The following RELN variants were observed in gnomAD, a reference collection of about 807,000 sequenced individuals.
The protein encoded by RELN is reelin.
In RELN, 108 loss-of-function variants were observed where a neutral mutation model predicts 427.6. That is an observed-to-expected ratio of 0.25 (90% CI 0.22 to 0.30). The LOEUF (loss-of-function observed/expected upper bound fraction) is 0.30, where lower values mean the gene tolerates loss of function less well. Among genes scored for constraint, RELN ranks in the 10% least tolerant of loss-of-function variants. The probability of loss-of-function intolerance (pLI) is 1.00; values close to 1 mark genes in which losing one functional copy is unlikely to be tolerated. For missense variants in RELN, 3,715 were observed against 4,302.8 expected (o/e 0.86, Z 3.82); for synonymous variants, 1,524 against 1,513.4 (o/e 1.01, Z -0.16).
At chr7:103,679,243 T>C (rs1009753231) in intron 11 of RELN, among the ~76,000 whole-genome samples, 1 of 152,174 alleles carries the variant, frequency 6.6e-6, no homozygotes, top group Non-Finnish European at 1.5e-5. Context: ...CTAGGTCTTC[T>C]CATTATCCTT....
At chr7:103,676,583 A>G (rs1240275533) in intron 11 of RELN, among the ~76,000 whole-genome samples, 1 of 152,256 alleles carries the variant, frequency 6.6e-6, no homozygotes, top group East Asian at 1.9e-4. Flanking sequence ...ATACAGACAC[A>G]TGCACACGTA....
chr7:103,866,298 G>A (rs1286816185), intron 2 of RELN, among the ~76,000 whole-genome samples: 1 of 151,962 alleles, frequency 6.6e-6, no homozygotes, highest in Non-Finnish European at 1.5e-5. Flanking sequence ...AAAAACCCAG[G>A]TTAAAGTTGA....
At chr7:103,872,011 T>C (rs916122999) in intron 2 of RELN, among the ~76,000 whole-genome samples, 8 of 125,598 alleles carry the variant, frequency 6.4e-5, no homozygotes, top group East Asian at 2.4e-4. Flanking sequence ...CTACAGTATA[T>C]GAATATATAT....
chr7:103,575,664 T>C lies in RELN; in HGVS notation c.4187A>G (p.Lys1396Arg). 1 of 1,614,188 alleles carries C rather than the reference T, an allele frequency of 6.2e-7. No individual in the cohort carries two copies. Among genetic ancestry groups the C allele is most frequent in the Non-Finnish European group, 8.5e-7 (1 of 1,180,012 alleles). The change falls in exon 29 of 65, where the codon AAA becomes AGA. Residue 1396 changes from lysine (K) to arginine (R), a missense_variant. Physicochemically the swap from Lys to Arg is conservative, Grantham distance 26. This residue lies in a region of RELN where 2,208 missense variants were observed against 2,361.7 expected (regional missense o/e 0.93). Transcript: ENST00000428762. The part of the protein sequence containing the change: ...FRWIQESSSQ[K>R]NVPPFGLDGV... ...ATCTAAACCAAATGGAGGCACGTTT[T>C]TCTGTGAGCTGCTCTCCTGGATCCA... is the stretch of plus-strand genomic sequence containing the variant.
In RELN at chr7:103,471,804, A is replaced by C. The variant is rs1827870499; in HGVS notation, c.*1008T>G. The C allele has an allele frequency of 6.6e-6, 1 of 152,564 alleles. No individual in the cohort carries two copies. The highest frequency in any genetic ancestry group is 2.4e-5 in the African/African-American group (1 of 41,456). 9.5% of individuals were successfully genotyped at this position (152,564 alleles called of 1,614,324 possible). On this transcript the variant is annotated 3_prime_UTR_variant, in exon 65 of 65. Transcript: ENST00000428762. ...TGAACTTCAATGGCTTTTGGACATA[A>C]TTTTTATTTAAGCATGGGCTTTTAT... is the stretch of plus-strand genomic sequence containing the variant.
intron 1 of RELN, among the ~76,000 whole-genome samples, chr7:103,928,313 C>T (rs2116701065): frequency 6.6e-6 from 1 of 152,260 alleles, no homozygotes; most frequent in Non-Finnish European, 1.5e-5. Flanking sequence ...GAACTATTAG[C>T]CAACTAAATT....
intron 45 of RELN, among the ~76,000 whole-genome samples, chr7:103,537,543 C>G (rs1278737485): frequency 6.6e-6 from 1 of 152,202 alleles, no homozygotes; most frequent in Non-Finnish European, 1.5e-5. Flanking sequence ...CAGGAGGCTG[C>G]ACCAGCCTGT....
rs1834010032 is a variant in RELN at position 103,697,846 on chromosome 7, C to G, written c.1143+7G>C. ...AAAACAACCCAAAAACTAAAAAGAG[C>G]TCTAACCTTAACTGTAGCTCCTGGG... On this transcript the variant is annotated splice_region_variant and intron_variant, in intron 10 of 64. Coordinates refer to ENST00000428762, the MANE Select transcript of RELN (RefSeq NM_005045.4). The G allele has an allele frequency of 6.2e-7, 1 of 1,613,458 alleles. No individual in the cohort carries two copies. The highest frequency in any genetic ancestry group is 8.5e-7 in the Non-Finnish European group (1 of 1,179,656).
chr7:103,597,343 C>T (rs1831561579), intron 24 of RELN, among the ~76,000 whole-genome samples: 1 of 152,156 alleles, frequency 6.6e-6, no homozygotes. Context: ...TGGCTCATGC[C>T]TGTAATCACA....
intron 11 of RELN, among the ~76,000 whole-genome samples, chr7:103,665,893 ATCTTTATT>A (rs940191680): frequency 7.9e-4 from 107 of 134,854 alleles, no homozygotes; most frequent in African/African-American, 3.0e-3. Context: ...TCTCTCATTA[ATCTTTATT>A]TCTTTTTATA....
chr7:103,736,326 C>T (rs1790491552), intron 6 of RELN, among the ~76,000 whole-genome samples: 1 of 152,162 alleles, frequency 6.6e-6, no homozygotes, highest in African/African-American at 2.4e-5. Flanking sequence ...AATGAAAGAT[C>T]AAGCTTAATT....
At chr7:103,556,435 A>G (rs1312228887) in intron 38 of RELN, among the ~76,000 whole-genome samples, 4 of 151,776 alleles carry the variant, frequency 2.6e-5, no homozygotes, top group South Asian at 4.2e-4. Flanking sequence ...ACGTGTATAT[A>G]TATATATATA....
intron 64 of RELN, chr7:103,476,615 G>GT (rs1828042670): frequency 5.5e-6 from 1 of 182,360 alleles, no homozygotes; most frequent in Non-Finnish European, 1.2e-5. Flanking sequence ...GATATTTCCA[G>GT]TTTATGAGCC....
chr7:103,935,371 T>C (rs552678974), intron 1 of RELN, among the ~76,000 whole-genome samples: 1 of 152,186 alleles, frequency 6.6e-6, no homozygotes, highest in Admixed American at 6.5e-5. Flanking sequence ...CTCATCTTAC[T>C]TGACTCCTCT....
chr7:103,543,674 T>C (rs1830223234), intron 42 of RELN, among the ~76,000 whole-genome samples: 1 of 152,058 alleles, frequency 6.6e-6, no homozygotes, highest in South Asian at 2.1e-4. Context: ...AAATAAAATA[T>C]AAAATAAAAT....
At chr7:103,595,538 T>C (rs1831517275) in intron 25 of RELN, among the ~76,000 whole-genome samples, 2 of 152,174 alleles carry the variant, frequency 1.3e-5, no homozygotes, top group South Asian at 2.1e-4. Flanking sequence ...ATCTACAAAA[T>C]AGGTATGCTT....
intron 3 of RELN, among the ~76,000 whole-genome samples, chr7:103,804,277 T>C (rs1457847921): frequency 6.6e-6 from 1 of 152,162 alleles, no homozygotes; most frequent in East Asian, 1.9e-4. Context: ...CATACCTGCA[T>C]GATTGATAAC....
In RELN at chr7:103,472,629, A is replaced by G; in HGVS notation, c.*183T>C. 1.7e-6 allele frequency: 1 copy of G among 599,748 alleles called. No homozygotes were observed. The highest frequency in any genetic ancestry group is 2.7e-5 in the Admixed American group (1 of 36,560). The allele number at this position is 599,748 out of a possible 1,614,324, so 37.2% of individuals were successfully genotyped here. On this transcript the variant is annotated 3_prime_UTR_variant, in exon 65 of 65. Transcript: ENST00000428762. ...CATGAAGACATTTACTTATGAGCAAATAAGTCACTTGTCATTAGTTCACAG... is the reference window on the plus strand; with the variant it reads ...CATGAAGACATTTACTTATGAGCAAGTAAGTCACTTGTCATTAGTTCACAG...
At position 103,697,835 on chromosome 7, in the gene RELN, A is replaced by T; in HGVS notation, c.1143+18T>A. The T allele has an allele frequency of 6.2e-7, 1 of 1,613,418 alleles. No individual in the cohort carries two copies. The highest frequency in any genetic ancestry group is 8.5e-7 in the Non-Finnish European group (1 of 1,179,606). Reference sequence around the variant, plus strand: ...GATGAAGGATTAAAACAACCCAAAAACTAAAAAGAGCTCTAACCTTAACTG... The same window carrying T: ...GATGAAGGATTAAAACAACCCAAAATCTAAAAAGAGCTCTAACCTTAACTG... On this transcript the variant is annotated intron_variant, in intron 10 of 64. Transcript: ENST00000428762.
Sources: allele counts gnomAD v4.1 joint callset (sites outside exome capture counted in the v4.1 genomes callset), GRCh38; gene constraint gnomAD v4.1.1; regional missense constraint gnomAD v4.1.1; transcripts MANE v1.5; gene names NCBI Gene and HGNC (gene_info 2026-07-23, HGNC 2026-07-21).